XKR9: variants seen among roughly 807,000 people sequenced by gnomAD.
XKR9 encodes the protein XK related 9.
A neutral mutation model predicts 32.0 loss-of-function variants in XKR9; 32 were observed. The ratio of observed to expected loss-of-function variants is 1.00; its 90% CI spans 0.76 to 1.34. The LOEUF is 1.34. Among genes scored for constraint, XKR9 ranks in the 40% most tolerant of loss-of-function variants. The pLI, the probability that XKR9 is intolerant of heterozygous loss-of-function variation, is 0.00. For missense variants in XKR9, 546 were observed against 429.7 expected (o/e 1.27, Z -2.39); for synonymous variants, 168 against 143.4 (o/e 1.17, Z -1.22).
At chr8:70,979,312 G>T in the XKR9 span, among the ~76,000 whole-genome samples, 12 of 152,268 alleles carry the variant, frequency 7.9e-5, no homozygotes, top group African/African-American at 2.9e-4. Flanking sequence ...TGGAGGAGAA[G>T]GGGTGCTGGG....
chr8:70,730,535 G>C (rs1369973563), intron 4 of XKR9, among the ~76,000 whole-genome samples: 2 of 151,676 alleles, frequency 1.3e-5, no homozygotes, highest in Non-Finnish European at 2.9e-5. Flanking sequence ...AAGGTTATAA[G>C]TTAACCATGG....
At chr8:70,745,384 A>G (rs1807044896) in intron 2 of XKR9, among the ~76,000 whole-genome samples, 1 of 152,236 alleles carries the variant, frequency 6.6e-6, no homozygotes, top group Non-Finnish European at 1.5e-5. Context: ...AAAAATAATT[A>G]TGAGCAATAC....
the XKR9 span, among the ~76,000 whole-genome samples, chr8:70,878,067 A>G: frequency 6.6e-6 from 1 of 152,242 alleles, no homozygotes; most frequent in African/African-American, 2.4e-5. Context: ...ACTAAGCTTC[A>G]TAAGTGCAGG....
chr8:70,904,448 T>TC, the XKR9 span, among the ~76,000 whole-genome samples: 1 of 151,826 alleles, frequency 6.6e-6, no homozygotes, highest in Non-Finnish European at 1.5e-5. Flanking sequence ...ACCCTGCTTT[T>TC]TTTTGCTTTC....
chr8:70,810,079 A>G, the XKR9 span, among the ~76,000 whole-genome samples: 1 of 152,254 alleles, frequency 6.6e-6, no homozygotes, highest in Non-Finnish European at 1.5e-5. Context: ...CCATCAGACT[A>G]ACAGCTGATC....
chr8:70,688,542 G>A (rs936777792), intron 3 of XKR9, among the ~76,000 whole-genome samples: 5 of 151,820 alleles, frequency 3.3e-5, no homozygotes, highest in African/African-American at 7.3e-5. Context: ...TCAGCCTTCT[G>A]AGTAGCTGGG....
At chr8:71,026,992 C>T in the XKR9 span, among the ~76,000 whole-genome samples, 2 of 152,132 alleles carry the variant, frequency 1.3e-5, no homozygotes. Flanking sequence ...CCTTTAAAAA[C>T]TTAATTTAAT....
At chr8:70,954,206 T>C in the XKR9 span, among the ~76,000 whole-genome samples, 1 of 152,054 alleles carries the variant, frequency 6.6e-6, no homozygotes, top group African/African-American at 2.4e-5. Flanking sequence ...ATCTGGATTA[T>C]ATTTGGACAA....
intron 2 of XKR9, among the ~76,000 whole-genome samples, chr8:70,745,698 A>G (rs776304655): frequency 4.4e-4 from 67 of 152,214 alleles, no homozygotes; most frequent in Non-Finnish European, 7.3e-4. Flanking sequence ...AACAGCCACT[A>G]GAGGGCAATG....
intron 2 of XKR9, among the ~76,000 whole-genome samples, chr8:70,756,175 C>G (rs1586885383): frequency 6.6e-6 from 1 of 152,104 alleles, no homozygotes; most frequent in African/African-American, 2.4e-5. Flanking sequence ...ATCAGTTGAC[C>G]TTAGATACAT....
At chr8:71,046,541 T>A in the XKR9 span, among the ~76,000 whole-genome samples, 1 of 152,218 alleles carries the variant, frequency 6.6e-6, no homozygotes, top group Non-Finnish European at 1.5e-5. Flanking sequence ...ATTGTGCCTG[T>A]CTGATATATG....
At chr8:70,777,455 C>G (rs1189106032) in intron 2 of XKR9, among the ~76,000 whole-genome samples, 4 of 152,124 alleles carry the variant, frequency 2.6e-5, no homozygotes, top group Admixed American at 1.3e-4. Context: ...GATTTATAAT[C>G]CTTTGGGTAT....
the XKR9 span, among the ~76,000 whole-genome samples, chr8:71,018,549 C>T: frequency 6.6e-5 from 10 of 151,994 alleles, no homozygotes; most frequent in African/African-American, 1.9e-4. Flanking sequence ...ACACATTATC[C>T]GAGTAGTAGA....
the XKR9 span, among the ~76,000 whole-genome samples, chr8:71,019,150 TA>T: frequency 2.0e-5 from 3 of 152,094 alleles, no homozygotes; most frequent in African/African-American, 7.2e-5. Context: ...CTTTTTTTTT[TA>T]AACTACTGTC....
chr8:70,726,150 A>C (rs1806462321), intron 4 of XKR9, among the ~76,000 whole-genome samples: 1 of 152,172 alleles, frequency 6.6e-6, no homozygotes, highest in East Asian at 1.9e-4. Context: ...AACACACATC[A>C]AATTTATGGT....
At chr8:70,938,945 G>A in the XKR9 span, among the ~76,000 whole-genome samples, 1 of 150,894 alleles carries the variant, frequency 6.6e-6, no homozygotes, top group African/African-American at 2.4e-5. Flanking sequence ...GAAAAAAAAA[G>A]AGTTAGGTTT....
chr8:70,699,590 A>G (rs1805436150), intron 3 of XKR9, among the ~76,000 whole-genome samples: 2 of 152,152 alleles, frequency 1.3e-5, no homozygotes, highest in South Asian at 2.1e-4. Context: ...GGGTAACCCA[A>G]CCTTTCTCTC....
At chr8:70,813,427 C>A in the XKR9 span, among the ~76,000 whole-genome samples, 56 of 152,186 alleles carry the variant, frequency 3.7e-4, 1 homozygote, top group African/African-American at 1.3e-3. Context: ...CAACAAAAAC[C>A]AAAATTGACA....
At chr8:70,743,401 G>T (rs569549373) in intron 2 of XKR9, among the ~76,000 whole-genome samples, 2 of 152,158 alleles carry the variant, frequency 1.3e-5, no homozygotes, top group South Asian at 4.2e-4. Flanking sequence ...TCCATTCATT[G>T]CCTTTTCTCT....
Sources: allele counts gnomAD v4.1 joint callset (sites outside exome capture counted in the v4.1 genomes callset), GRCh38; gene constraint gnomAD v4.1.1; transcripts MANE v1.5; gene names NCBI Gene and HGNC (gene_info 2026-07-23, HGNC 2026-07-21).